Variants in CCDC7 observed in about 807,000 individuals in gnomAD.
CCDC7 encodes coiled-coil domain containing 7.
A neutral mutation model predicts 196.9 loss-of-function variants in CCDC7; 183 were observed. The ratio of observed to expected loss-of-function variants is 0.93; its 90% CI spans 0.82 to 1.05. CCDC7 has a LOEUF of 1.05. Ranked by LOEUF, CCDC7 falls within the 50% of genes least tolerant of loss-of-function variation. The pLI is 0.00. For missense variants in CCDC7, 1,540 were observed against 1,482.2 expected (o/e 1.04, Z -0.64); for synonymous variants, 525 against 484.6 (o/e 1.08, Z -1.10).
intron 33 of CCDC7, 142 bp from the exon 35 acceptor site, chr10:32,845,101 T>C: frequency 2.1e-6 from 1 of 485,634 alleles, no homozygotes; most frequent in Non-Finnish European, 3.6e-6. Context: ...GTATGAACCT[T>C]TAATGACAAT....
At chr10:32,617,178 CTTCTT>C (rs911173543) in intron 18 of CCDC7, among the ~76,000 whole-genome samples, 6 of 151,636 alleles carry the variant, frequency 4.0e-5, no homozygotes, top group Non-Finnish European at 8.9e-5. Context: ...GATCTTGTCT[CTTCTT>C]TTCTTGATTA....
intron 18 of CCDC7, among the ~76,000 whole-genome samples, chr10:32,592,529 T>C: frequency 6.6e-6 from 1 of 150,966 alleles, no homozygotes; most frequent in East Asian, 2.0e-4. Context: ...ATTTTTATTT[T>C]TGTTTTCATT....
intron 32 of CCDC7, among the ~76,000 whole-genome samples, chr10:32,833,876 C>G (rs1301486142): frequency 1.3e-5 from 2 of 152,072 alleles, no homozygotes; most frequent in Non-Finnish European, 2.9e-5. Context: ...AACTTCTACT[C>G]TATGATGTCT....
At chr10:32,493,017 G>C (rs2134540922) in intron 9 of CCDC7, among the ~76,000 whole-genome samples, 1 of 151,856 alleles carries the variant, frequency 6.6e-6, no homozygotes, top group South Asian at 2.1e-4. Flanking sequence ...TACATACCTT[G>C]TGGAATCGCT....
At chr10:32,594,037 T>G (rs2060053043) in intron 18 of CCDC7, among the ~76,000 whole-genome samples, 1 of 152,224 alleles carries the variant, frequency 6.6e-6, no homozygotes, top group African/African-American at 2.4e-5. Flanking sequence ...TGCAGGCTCT[T>G]TTTTGGTTCC....
chr10:32,804,653 T>G (rs1049478339), intron 29 of CCDC7, among the ~76,000 whole-genome samples: 14 of 152,182 alleles, frequency 9.2e-5, no homozygotes, highest in African/African-American at 3.4e-4. Context: ...CAATATAAAC[T>G]TTAAAGTCAT....
At chr10:32,748,391 T>C (rs1377282517) in intron 28 of CCDC7, among the ~76,000 whole-genome samples, 1 of 152,198 alleles carries the variant, frequency 6.6e-6, no homozygotes, top group Non-Finnish European at 1.5e-5. Flanking sequence ...CTTTTGTACA[T>C]TAACCTTGTA....
At chr10:32,733,345 A>C (rs2084305270) in intron 28 of CCDC7, among the ~76,000 whole-genome samples, 1 of 152,046 alleles carries the variant, frequency 6.6e-6, no homozygotes, top group Non-Finnish European at 1.5e-5. Flanking sequence ...TTTTTTGATA[A>C]ATTTGTTTAT....
At chr10:32,623,152 C>A (rs2063592533) in intron 18 of CCDC7, among the ~76,000 whole-genome samples, 1 of 152,084 alleles carries the variant, frequency 6.6e-6, no homozygotes, top group South Asian at 2.1e-4. Context: ...TAGACTCTTA[C>A]TACATTTTGT....
At chr10:32,537,332 C>G (rs1589646980) in intron 11 of CCDC7, among the ~76,000 whole-genome samples, 1 of 152,078 alleles carries the variant, frequency 6.6e-6, no homozygotes. Flanking sequence ...TCCTTTGTCC[C>G]CTTTTTAATG....
At chr10:32,708,752 A>C (rs1158893508) in intron 24 of CCDC7, among the ~76,000 whole-genome samples, 2 of 152,248 alleles carry the variant, frequency 1.3e-5, no homozygotes, top group Non-Finnish European at 2.9e-5. Flanking sequence ...AGAGAAATGC[A>C]AATCAAAACC....
chr10:32,828,421 G>A lies in CCDC7; in HGVS notation c.3268+3817G>A, dbSNP rs944210188. On this transcript the variant is annotated intron_variant, in intron 32 of 41. Transcript: ENST00000639629. ...AGAAGAAGGAGAAGGAGAAGGAGAA[G>A]AAGAAGAAGGAAGGAAGGAGAAGAA... 6.8e-5 allele frequency among the ~76,000 whole-genome samples: 9 copies of A among 131,496 alleles called. 1 individual carries two copies. The highest frequency in any genetic ancestry group is 2.4e-4 in the African/African-American group (9 of 38,164). The allele number at this position is 131,496 out of a possible 152,430, so 86.3% of individuals were successfully genotyped here.
At chr10:32,777,619 G>T (rs2080293726) in intron 28 of CCDC7, among the ~76,000 whole-genome samples, 1 of 152,108 alleles carries the variant, frequency 6.6e-6, no homozygotes, top group Non-Finnish European at 1.5e-5. Flanking sequence ...CACTTTGGGA[G>T]GCCAAGGTGG....
rs2059029705 is a variant in CCDC7 at position 32,584,391 on chromosome 10, CATT to C, written c.1801+92_1801+94del. Reference sequence around the variant, plus strand: ...TAATTATAAATAAATGAGGGGAAAACATTATTAAATATACAAACAACTTGTTAG... The same window carrying C: ...TAATTATAAATAAATGAGGGGAAAACATTAAATATACAAACAACTTGTTAG... On this transcript the variant is annotated intron_variant, in intron 18 of 41. Coordinates refer to ENST00000639629, the Ensembl canonical transcript of CCDC7. 2.4e-5 allele frequency: 21 copies of C among 864,906 alleles called. No individual in the cohort carries two copies. In the South Asian group the frequency reaches 3.6e-4, roughly 15 times the overall value. 53.6% of individuals were successfully genotyped at this position (864,906 alleles called of 1,614,324 possible). A position where few individuals can be genotyped will look rare whatever the true frequency, so the allele number is the denominator to read the frequency against.
At chr10:32,876,864 G>A (rs968941203), downstream of CCDC7, 7 of 152,842 alleles carry the variant, frequency 4.6e-5, no homozygotes, top group Non-Finnish European at 1.0e-4. Context: ...TTATAACACT[G>A]AAATAGTATT....
At chr10:32,637,916 T>C (rs939310028) in intron 20 of CCDC7, among the ~76,000 whole-genome samples, 6 of 152,174 alleles carry the variant, frequency 3.9e-5, no homozygotes, top group Non-Finnish European at 8.8e-5. Flanking sequence ...CGAGCAGTGG[T>C]TTGTAGTTCT....
chr10:32,694,838 C>T (rs766890216), intron 23 of CCDC7, 41 bp from the exon 25 acceptor site: 2 of 1,172,646 alleles, frequency 1.7e-6, no homozygotes. Flanking sequence ...CACAGTAGGT[C>T]TGTTTTTCCA....
exon 17 of CCDC7, chr10:32,583,192 C>T (rs12244832): frequency 0.1 from 128,257 of 1,231,126 alleles, 7,486 homozygotes; most frequent in South Asian, 0.26. Flanking sequence ...TCACTTACAA[C>T]AGTATCATCC....
chr10:32,705,804 C>T (rs1295441161), intron 24 of CCDC7, among the ~76,000 whole-genome samples: 1 of 152,100 alleles, frequency 6.6e-6, no homozygotes, highest in Non-Finnish European at 1.5e-5. Context: ...TACAGGAGCA[C>T]CCAGATTCAT....
Sources: gnomAD v4.1 joint callset for allele counts (sites outside exome capture counted in the v4.1 genomes callset) on GRCh38, gnomAD v4.1.1 for gene constraint, MANE v1.5 for transcripts, NCBI Gene and HGNC (gene_info 2026-07-23, HGNC 2026-07-21) for gene names.